PAFAH1B1: variants seen among roughly 807,000 people sequenced by gnomAD.
The protein encoded by PAFAH1B1 is platelet activating factor acetylhydrolase 1b regulatory subunit 1, also known as platelet-activating factor acetylhydrolase IB subunit beta.
PAFAH1B1 carries 2 observed loss-of-function variants against 57.5 expected under a neutral mutation model. The ratio of observed to expected loss-of-function variants is 0.03; its 90% CI spans 0.01 to 0.11. The LOEUF (loss-of-function observed/expected upper bound fraction) is 0.11, where lower values mean the gene tolerates loss of function less well. Ranked by LOEUF, PAFAH1B1 falls within the 10% of genes least tolerant of loss-of-function variation. The pLI, the probability that PAFAH1B1 is intolerant of heterozygous loss-of-function variation, is 1.00. For synonymous variants in PAFAH1B1, 152 were observed against 169.6 expected (o/e 0.90, Z 0.81); for missense variants, 257 against 512.0 (o/e 0.50, Z 4.81).
chr17:2,595,139 G>T (rs2068070851), intron 1 of PAFAH1B1, among the ~76,000 whole-genome samples: 1 of 152,030 alleles, frequency 6.6e-6, no homozygotes, highest in African/African-American at 2.4e-5. Context: ...AATGGGCGAT[G>T]TCATGCCAAG....
chr17:2,648,331 A>C (rs2068796746), intron 2 of PAFAH1B1, among the ~76,000 whole-genome samples: 1 of 151,678 alleles, frequency 6.6e-6, no homozygotes, highest in Non-Finnish European at 1.5e-5. Context: ...GACACAGCCA[A>C]ACCCTATCAC....
chr17:2,643,659 A>C (rs1334436814), intron 2 of PAFAH1B1, among the ~76,000 whole-genome samples: 1 of 151,616 alleles, frequency 6.6e-6, no homozygotes, highest in Non-Finnish European at 1.5e-5. Flanking sequence ...TCCTGGGTTC[A>C]AGTGATTCTT....
At chr17:2,603,654 C>T (rs1053805875) in intron 1 of PAFAH1B1, among the ~76,000 whole-genome samples, 3 of 151,312 alleles carry the variant, frequency 2.0e-5, no homozygotes, top group Middle Eastern at 3.5e-3. Flanking sequence ...TATATGTATA[C>T]ACACACACAT....
intron 1 of PAFAH1B1, chr17:2,614,005 ATTG>A (rs939619597): frequency 7.6e-6 from 1 of 131,742 alleles, no homozygotes; most frequent in Non-Finnish European, 1.6e-5. Flanking sequence ...TATATTATAT[ATTG>A]TTTATATATT....
intron 2 of PAFAH1B1, among the ~76,000 whole-genome samples, chr17:2,639,025 G>A (rs1251878346): frequency 2.0e-5 from 3 of 151,880 alleles, no homozygotes; most frequent in East Asian, 1.9e-4. Context: ...TCAACCTCCC[G>A]AGTAGCTGAG....
chr17:2,658,862 A>G (rs1163885899), intron 2 of PAFAH1B1, among the ~76,000 whole-genome samples: 2 of 152,214 alleles, frequency 1.3e-5, no homozygotes, highest in South Asian at 2.1e-4. Flanking sequence ...TTCTTAGGGT[A>G]CGTGAGGTTG....
intron 1 of PAFAH1B1, among the ~76,000 whole-genome samples, chr17:2,603,458 TAAA>T (rs2068168474): frequency 6.6e-6 from 1 of 152,048 alleles, no homozygotes; most frequent in South Asian, 2.1e-4. Context: ...CCGTCTCTAC[TAAA>T]AATAAAAAAA....
At chr17:2,680,833 A>C in intron 10 of PAFAH1B1, 1 of 193,206 alleles carries the variant, frequency 5.2e-6, no homozygotes, top group Non-Finnish European at 1.1e-5. Flanking sequence ...GTGGGCTAAT[A>C]CCTGCCTCAC....
At chr17:2,603,944 G>A (rs971050415) in intron 1 of PAFAH1B1, among the ~76,000 whole-genome samples, 3 of 152,020 alleles carry the variant, frequency 2.0e-5, no homozygotes, top group Non-Finnish European at 4.4e-5. Flanking sequence ...CACCATGTTG[G>A]TCAGACTGGT....
intron 5 of PAFAH1B1, among the ~76,000 whole-genome samples, chr17:2,669,801 C>G (rs2069156371): frequency 6.6e-6 from 1 of 151,980 alleles, no homozygotes; most frequent in Admixed American, 6.6e-5. Context: ...CCATCTCTTT[C>G]TCTTTCTTTC....
intron 5 of PAFAH1B1, among the ~76,000 whole-genome samples, chr17:2,668,771 C>T (rs1376171443): frequency 6.6e-6 from 1 of 151,928 alleles, no homozygotes; most frequent in Non-Finnish European, 1.5e-5. Flanking sequence ...GTCAGGAGAT[C>T]GAGACCATCC....
At chr17:2,653,180 A>G (rs779232060) in intron 2 of PAFAH1B1, among the ~76,000 whole-genome samples, 18 of 152,278 alleles carry the variant, frequency 1.2e-4, no homozygotes, top group Admixed American at 7.2e-4. Flanking sequence ...ACAAAAAACC[A>G]AACACCACAT....
intron 2 of PAFAH1B1, among the ~76,000 whole-genome samples, chr17:2,663,233 G>A (rs977686106): frequency 2.0e-5 from 3 of 151,576 alleles, no homozygotes; most frequent in Admixed American, 6.6e-5. Flanking sequence ...AGTGGAGATC[G>A]CACCACTGCA....
intron 2 of PAFAH1B1, among the ~76,000 whole-genome samples, chr17:2,643,307 C>T (rs7225738): frequency 0.58 from 87,642 of 151,900 alleles, 27,928 homozygotes; most frequent in East Asian, 0.88. Context: ...TTGTGGAGAA[C>T]GGGGTCTCGC....
intron 5 of PAFAH1B1, among the ~76,000 whole-genome samples, chr17:2,668,989 G>T (rs1305066304): frequency 6.6e-6 from 1 of 152,034 alleles, no homozygotes; most frequent in Non-Finnish European, 1.5e-5. Flanking sequence ...ATATATGTGT[G>T]TCAAATTGTC....
rs1211546356 is a variant in PAFAH1B1, at chr17:2,685,331, G to A, written c.*3529G>A. ...TGTTAGAGACAAACACAAACTCTTC[G>A]AGTTAAAGTTGATCCTGACACTGAC... On this transcript the variant is annotated 3_prime_UTR_variant, in exon 11 of 11. Coordinates refer to ENST00000397195, the MANE Select transcript of PAFAH1B1 (RefSeq NM_000430.4). 6.6e-5 allele frequency: 10 copies of A among 152,652 alleles called. No homozygotes were observed. The highest frequency in any genetic ancestry group is 1.9e-4 in the East Asian group (1 of 5,184). The allele number at this position is 152,652 out of a possible 1,614,324, so 9.5% of individuals were successfully genotyped here.
intron 1 of PAFAH1B1, among the ~76,000 whole-genome samples, chr17:2,620,691 G>C (rs1397174272): frequency 1.3e-5 from 2 of 151,900 alleles, no homozygotes; most frequent in African/African-American, 4.8e-5. Context: ...GTAAAACCCC[G>C]TCTCTACTAA....
intron 8 of PAFAH1B1, among the ~76,000 whole-genome samples, chr17:2,675,649 TA>T (rs2069252120): frequency 6.6e-6 from 1 of 151,004 alleles, no homozygotes; most frequent in African/African-American, 2.4e-5. Flanking sequence ...TTTTTTTTTT[TA>T]AACTCACCAC....
At chr17:2,667,343 AAGC>A in intron 5 of PAFAH1B1, 145 bp downstream of exon 5, 1 of 658,964 alleles carries the variant, frequency 1.5e-6, no homozygotes, top group South Asian at 1.6e-5. Flanking sequence ...CAAAAAAAAA[AAGC>A]AGACTTAATA....
Sources: allele counts gnomAD v4.1 joint callset (sites outside exome capture counted in the v4.1 genomes callset), GRCh38; gene constraint gnomAD v4.1.1; transcripts MANE v1.5; gene names NCBI Gene and HGNC (gene_info 2026-07-23, HGNC 2026-07-21).